The following TSPAN31 variants were observed in gnomAD, a reference collection of about 807,000 sequenced individuals.
TSPAN31 encodes the protein tetraspanin 31.
Under a neutral mutation model 24.8 loss-of-function variants are expected in TSPAN31, and 16 were observed. The observed-to-expected ratio is 0.64, with a 90% confidence interval of 0.44 to 0.98. The LOEUF (loss-of-function observed/expected upper bound fraction) is 0.98, where lower values mean the gene tolerates loss of function less well. Among genes scored for constraint, TSPAN31 ranks in the 50% least tolerant of loss-of-function variants. TSPAN31 has a pLI of 0.00. For missense variants in TSPAN31, 209 were observed against 251.6 expected, an observed-to-expected ratio of 0.83 and a Z score of 1.15; for synonymous variants, 87 against 91.4, an observed-to-expected ratio of 0.95 and a Z score of 0.27.
rs1955217896 is a variant in TSPAN31 at position 57,750,180 on chromosome 12, TA to T, written c.*2893del. ...ATAAATAAATAAATAAATAAATAAA[TA>T]AATAAATAAATAAATAAAAAATAAA... On this transcript the variant is annotated 3_prime_UTR_variant, in exon 6 of 6. Coordinates refer to ENST00000257910, the MANE Select transcript of TSPAN31 (RefSeq NM_005981.5). 2 of 149,752 alleles carry T rather than the reference TA, an allele frequency of 1.3e-5. No individual in the cohort carries two copies. Among genetic ancestry groups the T allele is most frequent in the Non-Finnish European group, 3.0e-5 (2 of 67,512 alleles). The allele number at this position is 149,752 out of a possible 1,614,324, so 9.3% of individuals were successfully genotyped here. A position where few individuals can be genotyped will look rare whatever the true frequency, so the allele number is the denominator to read the frequency against.
chr12:57,746,333 G>A (rs776343567), intron 3 of TSPAN31, 77 bp downstream of exon 3: 63 of 1,380,990 alleles, frequency 4.6e-5, no homozygotes, highest in Admixed American at 1.2e-4. Flanking sequence ...CCTTAGTCTG[G>A]CCCCAACTAC....
At chr12:57,746,022 C>T (rs1161643842) in intron 2 of TSPAN31, 110 bp downstream of exon 2, 7 of 1,457,716 alleles carry the variant, frequency 4.8e-6, no homozygotes, top group Non-Finnish European at 6.5e-6. Context: ...GTCTCCTTGC[C>T]CTGCCCTGTC....
In TSPAN31 at chr12:57,749,761, G is replaced by A. The variant is rs1206224745; in HGVS notation, c.*2471G>A. 2 of 533,364 alleles carry A rather than the reference G, an allele frequency of 3.7e-6. No individual in the cohort carries two copies. The highest frequency in any genetic ancestry group is 3.4e-6 in the Non-Finnish European group (1 of 297,390). 33.0% of individuals were successfully genotyped at this position (533,364 alleles called of 1,614,324 possible). ...CGCCTGTAATCCTAGCACTTTGGGA[G>A]TCTGATGTGGGTGGATCATGAGGTC... On this transcript the variant is annotated 3_prime_UTR_variant, in exon 6 of 6. Coordinates refer to ENST00000257910, the MANE Select transcript of TSPAN31 (RefSeq NM_005981.5).
chr12:57,748,899 T>A lies in TSPAN31; in HGVS notation c.*1609T>A. On this transcript the variant is annotated 3_prime_UTR_variant, in exon 6 of 6. Transcript: ENST00000257910. ...TTTTGTACTTTTAGTAGAGACGAGG[T>A]TTCACCATGTTGGCCAGGCTGGTCT... 1.8e-6 allele frequency: 1 copy of A among 547,680 alleles called. No individual in the cohort carries two copies. Among genetic ancestry groups the A allele is most frequent in the South Asian group, 2.0e-5 (1 of 48,962 alleles). 33.9% of individuals were successfully genotyped at this position (547,680 alleles called of 1,614,324 possible).
chr12:57,745,848 T>G lies in TSPAN31; in HGVS notation c.167T>G (p.Leu56Arg), dbSNP rs756102634. The change falls in exon 2 of 6, where the codon CTT becomes CGT. Residue 56 changes from leucine (L) to arginine (R), a missense_variant. Coordinates refer to ENST00000257910, the MANE Select transcript of TSPAN31 (RefSeq NM_005981.5). Reference sequence around the variant, plus strand: ...GGAGTCATTGCTGTGGGAGTCTTCCTTCTCCTTATTGCAGTGGCTGGACTG... The same window carrying G: ...GGAGTCATTGCTGTGGGAGTCTTCCGTCTCCTTATTGCAGTGGCTGGACTG... Reference protein sequence around the residue: ...IGGVIAVGVFLLLIAVAGLVG... With the variant: ...IGGVIAVGVFRLLIAVAGLVG... 6.2e-7 allele frequency: 1 copy of G among 1,614,070 alleles called. No homozygotes were observed. Among genetic ancestry groups the G allele is most frequent in the African/African-American group, 1.3e-5 (1 of 75,028 alleles).
intron 1 of TSPAN31, 95 bp from the exon 2 acceptor site, chr12:57,745,650 T>C (rs1371459352): frequency 2.7e-6 from 4 of 1,481,232 alleles, no homozygotes; most frequent in East Asian, 2.3e-5. Flanking sequence ...ATTCCATTAT[T>C]CCTTCCCCCT....
Position 57,749,628 on chromosome 12 carries a change from A to G in TSPAN31, c.*2338A>G. 8.6e-6 allele frequency: 8 copies of G among 932,130 alleles called. No homozygotes were observed. The highest frequency in any genetic ancestry group is 1.4e-5 in the Non-Finnish European group (8 of 580,238). The allele number at this position is 932,130 out of a possible 1,614,324, so 57.7% of individuals were successfully genotyped here. ...AGGCCAACAATTCCAGCACTTTGGG[A>G]TGCTGAGGTGAGAGGACTGCTTGAG... On this transcript the variant is annotated 3_prime_UTR_variant, in exon 6 of 6. Coordinates refer to ENST00000257910, the MANE Select transcript of TSPAN31 (RefSeq NM_005981.5).
chr12:57,748,728 C>G lies in TSPAN31; in HGVS notation c.*1438C>G. 1.4e-6 allele frequency: 1 copy of G among 727,810 alleles called. No individual in the cohort carries two copies. The highest frequency in any genetic ancestry group is 1.5e-5 in the South Asian group (1 of 66,306). 45.1% of individuals were successfully genotyped at this position (727,810 alleles called of 1,614,324 possible). On this transcript the variant is annotated 3_prime_UTR_variant, in exon 6 of 6. Coordinates refer to ENST00000257910, the MANE Select transcript of TSPAN31 (RefSeq NM_005981.5). ...TTTTTCTTTTTTTTTTTTTTTGAGA[C>G]GGAGTCTCGCTCTATCACCCAGGCT...
intron 2 of TSPAN31, 105 bp downstream of exon 2, chr12:57,746,017 C>A: frequency 1.4e-6 from 2 of 1,469,960 alleles, no homozygotes; most frequent in South Asian, 2.6e-5. Flanking sequence ...GACACGTCTC[C>A]TTGCCCTGCC....
chr12:57,748,885 T>C lies in TSPAN31; in HGVS notation c.*1595T>C, dbSNP rs1205544679. 3 of 542,364 alleles carry C rather than the reference T, an allele frequency of 5.5e-6. No homozygotes were observed. The East Asian group carries it at 9.7e-5, about 18-fold the overall frequency. 33.6% of individuals were successfully genotyped at this position (542,364 alleles called of 1,614,324 possible). A position where few individuals can be genotyped will look rare whatever the true frequency, so the allele number is the denominator to read the frequency against. ...CACCCCCGGCTTATTTTTGTACTTT[T>C]AGTAGAGACGAGGTTTCACCATGTT... On this transcript the variant is annotated 3_prime_UTR_variant, in exon 6 of 6. Transcript: ENST00000257910.
rs1014655129 is a variant in TSPAN31 at position 57,745,279 on chromosome 12, G to C, written c.63+62G>C. The C allele has an allele frequency of 2.6e-6, 4 of 1,551,408 alleles. No homozygotes were observed. The African/African-American group carries it at 5.4e-5, about 21-fold the overall frequency. ...AAGGCCCCGTGGGGAGAATCTCTAG[G>C]GTACTTCCGGTGGGGAGAGGGGTGT... On this transcript the variant is annotated intron_variant, in intron 1 of 5. Coordinates refer to ENST00000257910, the MANE Select transcript of TSPAN31 (RefSeq NM_005981.5).
chr12:57,745,181 C>T lies in TSPAN31; in HGVS notation c.27C>T (p.Ser9=). 6.2e-7 allele frequency: 1 copy of T among 1,606,602 alleles called. No individual in the cohort carries two copies. Among genetic ancestry groups the T allele is most frequent in the Non-Finnish European group, 8.5e-7 (1 of 1,176,674 alleles). ...TGGTTTGTGGCGGCTTTGCCTGCTCCAAGAATGCGCTTTGCGCTCTCAACG... is the reference window on the plus strand; with the variant it reads ...TGGTTTGTGGCGGCTTTGCCTGCTCTAAGAATGCGCTTTGCGCTCTCAACG... MVCGGFAC[S]KNALCALNVV... is the part of the protein sequence containing the mutation. Residue 9 remains serine, a synonymous_variant, in exon 1 of 6, where the codon TCC becomes TCT. Coordinates refer to ENST00000257910, the MANE Select transcript of TSPAN31 (RefSeq NM_005981.5).
rs746105441 is a variant in TSPAN31 at position 57,745,887 on chromosome 12, A to G, written c.206A>G (p.Asn69Ser). The part of the protein sequence containing the change: ...IAVAGLVGAV[N>S]HHQVLLFFYM... ...GTGGCTGGACTGGTGGGTGCTGTCA[A>G]CCACCACCAAGTCCTGCTGTTCTTT... is the stretch of plus-strand genomic sequence containing the variant. Residue 69 changes from asparagine to serine, a missense_variant, in exon 2 of 6, where the codon AAC (asparagine) becomes AGC (serine). Asn to Ser is a conservative substitution (Grantham distance 46, BLOSUM62 1). Transcript: ENST00000257910. 3.1e-6 allele frequency: 5 copies of G among 1,609,914 alleles called. No individual in the cohort carries two copies. Among genetic ancestry groups the G allele is most frequent in the Non-Finnish European group, 3.4e-6 (4 of 1,178,338 alleles).
Position 57,745,056 on chromosome 12 carries a change from T to C in TSPAN31, c.-99T>C. On this transcript the variant is annotated 5_prime_UTR_variant, in exon 1 of 6. Coordinates refer to ENST00000257910, the MANE Select transcript of TSPAN31 (RefSeq NM_005981.5). Reference sequence around the variant, plus strand: ...CGCAGAGTATTGGGTTTGGCTGGCCTCGATTTAAAGAGACAGAAGCTGTCG... The same window carrying C: ...CGCAGAGTATTGGGTTTGGCTGGCCCCGATTTAAAGAGACAGAAGCTGTCG... 8.3e-7 allele frequency: 1 copy of C among 1,207,472 alleles called. No homozygotes were observed. The highest frequency in any genetic ancestry group is 1.2e-6 in the Non-Finnish European group (1 of 837,746). 74.8% of individuals were successfully genotyped at this position (1,207,472 alleles called of 1,614,324 possible). A position where few individuals can be genotyped will look rare whatever the true frequency, so the allele number is the denominator to read the frequency against.
intron 3 of TSPAN31, 133 bp downstream of exon 3, chr12:57,746,389 T>G (rs1182150984): frequency 8.8e-7 from 1 of 1,138,798 alleles, no homozygotes; most frequent in Admixed American, 1.8e-5. Context: ...CTTGGGCTAT[T>G]TGCTTCCTCT....
intron 3 of TSPAN31, 145 bp downstream of exon 3, chr12:57,746,401 G>T: frequency 8.9e-7 from 1 of 1,122,824 alleles, no homozygotes; most frequent in Non-Finnish European, 1.3e-6. Context: ...GCTTCCTCTG[G>T]GATGTCTGGT....
chr12:57,745,718 G>T (rs564201172), intron 1 of TSPAN31, 27 bp from the exon 2 acceptor site: 3 of 1,613,012 alleles, frequency 1.9e-6, no homozygotes, highest in African/African-American at 2.7e-5. Flanking sequence ...TAGAATTGTT[G>T]AGATGTATCC....
Position 57,748,409 on chromosome 12 carries a change from G to A in TSPAN31, c.*1119G>A. On this transcript the variant is annotated 3_prime_UTR_variant, in exon 6 of 6. Transcript: ENST00000257910. Reference sequence around the variant, plus strand: ...TCATTAAGGCAGCAAAGTAATCTCTGTAGAAAGATGGAGGAGGACCCTCCA... The same window carrying A: ...TCATTAAGGCAGCAAAGTAATCTCTATAGAAAGATGGAGGAGGACCCTCCA... 1 of 802,638 alleles carries A rather than the reference G, an allele frequency of 1.2e-6. No individual in the cohort carries two copies. Among genetic ancestry groups the A allele is most frequent in the Admixed American group, 1.7e-5 (1 of 58,208 alleles). 49.7% of individuals were successfully genotyped at this position (802,638 alleles called of 1,614,324 possible).
Position 57,749,178 on chromosome 12 carries a change from G to A in TSPAN31, c.*1888G>A, listed in dbSNP as rs1060501928. On this transcript the variant is annotated 3_prime_UTR_variant, in exon 6 of 6. Transcript: ENST00000257910. ...TTCCCTGTGCCCACAGCCATCTCCAGTACCAGCAGCAGCTGTGCTCCCGAC... is the reference window on the plus strand; with the variant it reads ...TTCCCTGTGCCCACAGCCATCTCCAATACCAGCAGCAGCTGTGCTCCCGAC... 3 of 1,614,010 alleles carry A rather than the reference G, an allele frequency of 1.9e-6. No homozygotes were observed. The East Asian group carries it at 6.7e-5, about 36-fold the overall frequency.
Sources: allele counts gnomAD v4.1 joint callset, GRCh38; gene constraint gnomAD v4.1.1; transcripts MANE v1.5; gene names NCBI Gene and HGNC (gene_info 2026-07-23, HGNC 2026-07-21).